The following SF3B1 variants were observed in gnomAD, a reference collection of about 807,000 sequenced individuals.
SF3B1 encodes the protein pre-mRNA processing 10.
A neutral mutation model predicts 153.8 loss-of-function variants in SF3B1; 12 were observed. The observed-to-expected ratio is 0.08, with a 90% CI of 0.05 to 0.13. SF3B1 has a LOEUF of 0.13. Among genes scored for constraint, SF3B1 ranks in the 10% least tolerant of loss-of-function variants. The pLI is 1.00. For missense variants in SF3B1, 513 were observed against 1,606.1 expected (o/e 0.32, Z 11.63); for synonymous variants, 498 against 525.2 (o/e 0.95, Z 0.71).
chr2:197,399,525 C>T (rs994986301), intron 20 of SF3B1, among the ~76,000 whole-genome samples: 7 of 152,066 alleles, frequency 4.6e-5, no homozygotes, highest in Non-Finnish European at 1.0e-4. Flanking sequence ...AGCTGTATTA[C>T]GGGTTAGAAA....
At chr2:197,413,030 G>A (rs1348286309) in intron 6 of SF3B1, among the ~76,000 whole-genome samples, 7 of 144,754 alleles carry the variant, frequency 4.8e-5, no homozygotes, top group Non-Finnish European at 7.5e-5. Context: ...TGTGCATACA[G>A]TTAAACAATT....
At chr2:197,395,941 G>T in intron 23 of SF3B1, 115 bp downstream of exon 23, 1 of 851,076 alleles carries the variant, frequency 1.2e-6, no homozygotes. Context: ...CTCCAGGCTA[G>T]CAATTTTTTC....
intron 3 of SF3B1, 83 bp downstream of exon 3, chr2:197,420,936 TTAAAGCATCC>T (rs2085230564): frequency 2.6e-6 from 2 of 771,588 alleles, no homozygotes; most frequent in African/African-American, 3.6e-5. Flanking sequence ...ATAATTATCC[TTAAAGCATCC>T]TAAAATTTAT....
chr2:197,407,608 A>T (rs1008968295), intron 9 of SF3B1, among the ~76,000 whole-genome samples: 19 of 97,940 alleles, frequency 1.9e-4, no homozygotes, highest in Non-Finnish European at 2.8e-4. Flanking sequence ...CCATCTTTTA[A>T]AAAAAAAAAA....
intron 9 of SF3B1, among the ~76,000 whole-genome samples, chr2:197,406,870 T>C (rs1281700347): frequency 6.6e-6 from 1 of 152,156 alleles, no homozygotes; most frequent in Non-Finnish European, 1.5e-5. Context: ...TGTGGGTACT[T>C]TGAGCCTAGG....
At chr2:197,431,921 G>A (rs781173718) in intron 1 of SF3B1, among the ~76,000 whole-genome samples, 83 of 152,098 alleles carry the variant, frequency 5.5e-4, no homozygotes, top group Non-Finnish European at 6.5e-4. Context: ...CCAGGAGTTC[G>A]AGATCAGCCT....
At chr2:197,416,715 A>T (rs752466687) in intron 6 of SF3B1, 26 bp downstream of exon 6, 4 of 1,593,636 alleles carry the variant, frequency 2.5e-6, no homozygotes, top group South Asian at 1.1e-5. Flanking sequence ...TTTTAACAGT[A>T]ATAACAAAAA....
intron 1 of SF3B1, among the ~76,000 whole-genome samples, chr2:197,425,438 C>T (rs1175862677): frequency 6.6e-6 from 1 of 152,096 alleles, no homozygotes; most frequent in African/African-American, 2.4e-5. Context: ...TGCACTCCAG[C>T]CTGGGCGACA....
intron 4 of SF3B1, chr2:197,419,051 T>C: frequency 1.1e-6 from 1 of 892,498 alleles, no homozygotes; most frequent in Non-Finnish European, 1.8e-6. Context: ...TACAAATAAC[T>C]ATGACTAGAT....
At chr2:197,411,464 G>A (rs1435738793) in intron 6 of SF3B1, among the ~76,000 whole-genome samples, 1 of 151,900 alleles carries the variant, frequency 6.6e-6, no homozygotes, top group Admixed American at 6.6e-5. Context: ...ACAAGGTCAG[G>A]AGATAGAGAC....
chr2:197,392,824 C>T, intron 24 of SF3B1, 148 bp downstream of exon 24: 1 of 616,458 alleles, frequency 1.6e-6, no homozygotes, highest in Non-Finnish European at 2.9e-6. Context: ...GGCTTAAAAC[C>T]TAGATGACAG....
intron 6 of SF3B1, chr2:197,416,528 G>A (rs2085151175): frequency 4.2e-6 from 2 of 475,304 alleles, no homozygotes; most frequent in Non-Finnish European, 7.5e-6. Context: ...GAAAGGCCAT[G>A]TGAGGACACA....
At chr2:197,394,056 C>T (rs574638564) in intron 23 of SF3B1, among the ~76,000 whole-genome samples, 4 of 152,006 alleles carry the variant, frequency 2.6e-5, no homozygotes, top group African/African-American at 7.2e-5. Flanking sequence ...TTTTGGCACA[C>T]GCCTGTAATC....
rs73988458 is a variant in SF3B1 at position 197,392,894 on chromosome 2, T to C, written c.3756+78A>G. The C allele has an allele frequency of 4.7e-3, 4,014 of 845,988 alleles. 120 individuals are homozygous for C. The African/African-American group carries it at 0.064, about 14-fold the overall frequency. The allele number at this position is 845,988 out of a possible 1,614,324, so 52.4% of individuals were successfully genotyped here. A position where few individuals can be genotyped will look rare whatever the true frequency, so the allele number is the denominator to read the frequency against. On this transcript the variant is annotated intron_variant, in intron 24 of 24. Coordinates refer to ENST00000335508, the MANE Select transcript of SF3B1 (RefSeq NM_012433.4). ...ATACCTATGTAACAAACCTGCACGT[T>C]CAGCACAAGTATCCCAGAACTTAAA... is the stretch of plus-strand genomic sequence containing the variant.
At chr2:197,398,214 T>C in intron 21 of SF3B1, 98 bp from the exon 22 acceptor site, 1 of 1,059,344 alleles carries the variant, frequency 9.4e-7, no homozygotes, top group Non-Finnish European at 1.4e-6. Context: ...TAACTCATTT[T>C]AAGCATTAAA....
chr2:197,430,943 A>AT, intron 1 of SF3B1, among the ~76,000 whole-genome samples: 1 of 152,084 alleles, frequency 6.6e-6, no homozygotes, highest in South Asian at 2.1e-4. Context: ...TACATGCGTG[A>AT]GCAACCCCTG....
intron 1 of SF3B1, among the ~76,000 whole-genome samples, chr2:197,431,110 T>C (rs2565151): frequency 3.0e-5 from 4 of 134,370 alleles, no homozygotes; most frequent in African/African-American, 1.1e-4. Context: ...TCTTCTTTTT[T>C]TTTTTTTTTT....
intron 5 of SF3B1, 23 bp from the exon 6 acceptor site, chr2:197,416,934 A>T (rs767205750): frequency 6.3e-7 from 1 of 1,596,778 alleles, no homozygotes; most frequent in Non-Finnish European, 8.5e-7. Flanking sequence ...GTGAGTATTT[A>T]CCTTTAAAAT....
intron 1 of SF3B1, among the ~76,000 whole-genome samples, chr2:197,433,631 C>T (rs897741988): frequency 6.6e-6 from 1 of 152,344 alleles, no homozygotes; most frequent in Middle Eastern, 3.4e-3. Flanking sequence ...AATTCATTAG[C>T]ATGTTTGATA....
Sources: gnomAD v4.1 joint callset for allele counts (sites outside exome capture counted in the v4.1 genomes callset) on GRCh38, gnomAD v4.1.1 for gene constraint, MANE v1.5 for transcripts, NCBI Gene and HGNC (gene_info 2026-07-23, HGNC 2026-07-21) for gene names.